Variants in FGF13 observed in about 807,000 individuals in gnomAD.
The protein encoded by FGF13 is fibroblast growth factor homologous factor 2.
In FGF13, 2 loss-of-function variants were observed where a neutral mutation model predicts 19.5. The observed-to-expected ratio is 0.10, with a 90% confidence interval of 0.04 to 0.32. The LOEUF (loss-of-function observed/expected upper bound fraction) is 0.32. Ranked by LOEUF, FGF13 falls within the 10% of genes least tolerant of loss-of-function variation. The pLI, the probability that FGF13 is intolerant of heterozygous loss-of-function variation, is 1.00. For synonymous variants in FGF13, 72 were observed against 76.9 expected, an observed-to-expected ratio of 0.94 and a Z score of 0.33; for missense variants, 113 against 192.7, an observed-to-expected ratio of 0.59 and a Z score of 2.45.
At chrX:138,827,222 G>A (rs893487265) in intron 3 of FGF13, among the ~76,000 whole-genome samples, 1 of 112,036 alleles carries the variant, frequency 8.9e-6, no homozygotes, top group Non-Finnish European at 1.9e-5. Flanking sequence ...CCCAGTGATT[G>A]CAACTTCATG....
chrX:139,080,411 T>A (rs1177550291), intron 1 of FGF13, among the ~76,000 whole-genome samples: 1 of 112,138 alleles, frequency 8.9e-6, no homozygotes, highest in Non-Finnish European at 1.9e-5. Flanking sequence ...TGTCATGTTA[T>A]AAAATAAGAG....
intron 3 of FGF13, among the ~76,000 whole-genome samples, chrX:138,843,814 T>C (rs975999215): frequency 6.3e-5 from 7 of 111,859 alleles, no homozygotes; most frequent in African/African-American, 2.3e-4. Flanking sequence ...CAAAAACACA[T>C]AGCCTATTTC....
rs779322586 is a variant in FGF13 at position 138,617,757 on chromosome X, T to C, written c.*15093A>G. The C allele has an allele frequency of 4.5e-5, 5 of 110,893 alleles. No homozygotes were observed. Among genetic ancestry groups the C allele is most frequent in the Admixed American group, 3.8e-4 (4 of 10,415 alleles). The allele number at this position is 110,893 out of a possible 1,213,427, so 9.1% of individuals were successfully genotyped here. On this transcript the variant is annotated 3_prime_UTR_variant, in exon 5 of 5. Transcript: ENST00000315930. ...GAGTTCAAGACCCACCTGGGCAACATAGTGAGACCCCATCTCTACAAAAAA... is the reference window on the plus strand; with the variant it reads ...GAGTTCAAGACCCACCTGGGCAACACAGTGAGACCCCATCTCTACAAAAAA...
intron 3 of FGF13, among the ~76,000 whole-genome samples, chrX:138,838,337 A>G (rs1315509147): frequency 2.7e-5 from 3 of 111,812 alleles, no homozygotes; most frequent in Non-Finnish European, 5.6e-5. Flanking sequence ...ATGCTGGCGT[A>G]TCTAAAGCTC....
chrX:138,620,530 T>A lies in FGF13; in HGVS notation c.*12320A>T, dbSNP rs2089006358. ...ATCAAACCATAGTACTACAGGAAAA[T>A]CATCAATCACAAAGAAAGACAGCAA... On this transcript the variant is annotated 3_prime_UTR_variant, in exon 5 of 5. Coordinates refer to ENST00000315930, the MANE Select transcript of FGF13 (RefSeq NM_004114.5). 1 of 107,418 alleles carries A rather than the reference T, an allele frequency of 9.3e-6. No individual in the cohort carries two copies. The highest frequency in any genetic ancestry group is 3.4e-5 in the African/African-American group (1 of 29,468). 8.9% of individuals were successfully genotyped at this position (107,418 alleles called of 1,213,427 possible).
intron 1 of FGF13, among the ~76,000 whole-genome samples, chrX:139,053,934 A>T (rs2092311384): frequency 9.1e-6 from 1 of 110,430 alleles, no homozygotes; most frequent in African/African-American, 3.3e-5. Context: ...TTTTTGTATA[A>T]GGTGAGAGAT....
intron 3 of FGF13, among the ~76,000 whole-genome samples, chrX:138,840,000 C>T (rs1338388217): frequency 9.0e-6 from 1 of 111,673 alleles, no homozygotes; most frequent in Admixed American, 9.5e-5. Context: ...ATATCTGGCC[C>T]AGATTGCACT....
chrX:138,702,011 G>A (rs1243031033), intron 3 of FGF13, among the ~76,000 whole-genome samples: 3 of 111,478 alleles, frequency 2.7e-5, no homozygotes, highest in Non-Finnish European at 5.6e-5. Flanking sequence ...CGCTGGGCAC[G>A]GTGGCTCACG....
chrX:139,079,961 G>T (rs2083358364), intron 1 of FGF13, among the ~76,000 whole-genome samples: 1 of 104,301 alleles, frequency 9.6e-6, no homozygotes, highest in Admixed American at 1.1e-4. Context: ...AATGTTAGTT[G>T]CTTCTATCAA....
chrX:138,927,295 A>T (rs1413960780), intron 1 of FGF13, among the ~76,000 whole-genome samples: 1 of 111,901 alleles, frequency 8.9e-6, no homozygotes, highest in Non-Finnish European at 1.9e-5. Context: ...AGGCCCATCC[A>T]ACTGTGCTCC....
intron 1 of FGF13, among the ~76,000 whole-genome samples, chrX:139,111,454 C>G (rs2083600697): frequency 8.9e-6 from 1 of 112,011 alleles, no homozygotes; most frequent in African/African-American, 3.2e-5. Context: ...GCAACATACT[C>G]TAAAGATGAA....
intron 1 of FGF13, among the ~76,000 whole-genome samples, chrX:139,190,364 T>C (rs147750142): frequency 0.012 from 1,338 of 108,152 alleles, 22 homozygotes; most frequent in African/African-American, 0.044. Flanking sequence ...TAATAATTGG[T>C]TGCTTGCTTG....
intron 1 of FGF13, among the ~76,000 whole-genome samples, chrX:139,142,524 T>G (rs60860700): frequency 0.055 from 6,133 of 110,781 alleles, 337 homozygotes; most frequent in African/African-American, 0.16. Context: ...TCTTAACAGT[T>G]TGGGGGAAAA....
chrX:139,122,536 GACACGTGAAATCTTTTCTAT>G (rs2083684804), intron 1 of FGF13, among the ~76,000 whole-genome samples: 1 of 111,643 alleles, frequency 9.0e-6, no homozygotes, highest in Non-Finnish European at 1.9e-5. Flanking sequence ...TGTGGCATTT[GACACGTGAAATCTTTTCTAT>G]ACATGGCTTC....
chrX:138,804,145 G>A (rs925882842), intron 3 of FGF13, among the ~76,000 whole-genome samples: 2 of 111,536 alleles, frequency 1.8e-5, no homozygotes, highest in Non-Finnish European at 3.8e-5. Flanking sequence ...TGCTCCCACA[G>A]AATTTACATT....
chrX:139,005,048 G>A (rs1239241602), intron 1 of FGF13, among the ~76,000 whole-genome samples: 1 of 111,906 alleles, frequency 8.9e-6, no homozygotes, highest in Non-Finnish European at 1.9e-5. Context: ...CCTGCTGATT[G>A]TAGAGCCCCA....
intron 1 of FGF13, among the ~76,000 whole-genome samples, chrX:139,173,561 T>A (rs1050236754): frequency 9.1e-6 from 1 of 110,058 alleles, no homozygotes; most frequent in African/African-American, 3.3e-5. Context: ...TAGTCCCCCA[T>A]CCCCTGACAG....
chrX:138,735,487 T>A (rs2090267214), intron 1 of FGF13, among the ~76,000 whole-genome samples: 1 of 111,806 alleles, frequency 8.9e-6, no homozygotes, highest in Non-Finnish European at 1.9e-5. Flanking sequence ...CAGATTAGAG[T>A]TTTGGGTCCA....
intron 3 of FGF13, among the ~76,000 whole-genome samples, chrX:138,774,406 G>A (rs747364173): frequency 1.8e-5 from 2 of 111,352 alleles, no homozygotes; most frequent in East Asian, 2.8e-4. Flanking sequence ...AATCATATGA[G>A]GTGGGCAGTA....
Sources: gnomAD v4.1 joint callset for allele counts (sites outside exome capture counted in the v4.1 genomes callset) on GRCh38, gnomAD v4.1.1 for gene constraint, MANE v1.5 for transcripts, NCBI Gene and HGNC (gene_info 2026-07-23, HGNC 2026-07-21) for gene names.